METTL15: variants seen among roughly 807,000 people sequenced by gnomAD.
METTL15 encodes the protein methyltransferase 15, mitochondrial 12S rRNA N4-cytidine.
In METTL15, 34 loss-of-function variants were observed where a neutral mutation model predicts 38.3. The ratio of observed to expected loss-of-function variants is 0.89; its 90% CI spans 0.68 to 1.18. The LOEUF is 1.18. METTL15 is among the 50% of genes most tolerant of loss of function. The probability of loss-of-function intolerance (pLI) is 0.00; values close to 1 mark genes in which losing one functional copy is unlikely to be tolerated. For synonymous variants in METTL15, 162 were observed against 170.9 expected (o/e 0.95, Z 0.41); for missense variants, 438 against 498.4 (o/e 0.88, Z 1.15).
At chr11:28,220,037 G>A (rs906699621) in intron 4 of METTL15, among the ~76,000 whole-genome samples, 14 of 152,218 alleles carry the variant, frequency 9.2e-5, no homozygotes, top group African/African-American at 2.9e-4. Context: ...TGTATATTCT[G>A]TTGATTTGGG....
rs1449843247 is a variant in METTL15 at position 28,415,121 on chromosome 11, G to T, written c.*359-9178G>T. Among the ~76,000 whole-genome samples, 4 of 152,296 alleles carry T rather than the reference G, an allele frequency of 2.6e-5. No individual in the cohort carries two copies. In the East Asian group the frequency reaches 7.7e-4, roughly 29 times the overall value. On this transcript the variant is annotated intron_variant and NMD_transcript_variant, in intron 5 of 7. Transcript: ENST00000532947. ...ATATATGATTAAATCCCAGAGTAGG[G>T]TGAGTATGACATAATAATGCTTGAC...
chr11:28,336,689 A>G (rs111606293), downstream of METTL15, among the ~76,000 whole-genome samples: 1,464 of 152,318 alleles, frequency 9.6e-3, 13 homozygotes, highest in Non-Finnish European at 0.016. Context: ...CCATTGTAAC[A>G]TCACAGGGCA....
At chr11:28,234,993 G>C (rs2133890019) in intron 4 of METTL15, among the ~76,000 whole-genome samples, 1 of 151,934 alleles carries the variant, frequency 6.6e-6, no homozygotes, top group Non-Finnish European at 1.5e-5. Flanking sequence ...TAAGATGTAA[G>C]GAAGGGATCC....
At chr11:28,444,086 T>A (rs1311132101) in intron 6 of METTL15, among the ~76,000 whole-genome samples, 1 of 152,318 alleles carries the variant, frequency 6.6e-6, no homozygotes, top group South Asian at 2.1e-4. Flanking sequence ...TACACCATGA[T>A]TTGTTTATGC....
At chr11:28,496,565 C>T (rs1404886350) in intron 6 of METTL15, among the ~76,000 whole-genome samples, 1 of 152,148 alleles carries the variant, frequency 6.6e-6, no homozygotes, top group Non-Finnish European at 1.5e-5. Context: ...TTGGGGTCAC[C>T]AGAGAGTTTT....
At chr11:28,330,233 T>C (rs1186237654) in intron 6 of METTL15, among the ~76,000 whole-genome samples, 163 bp from the exon 7 acceptor site, 2 of 152,192 alleles carry the variant, frequency 1.3e-5, no homozygotes, top group African/African-American at 4.8e-5. Context: ...CTTGGAAGAA[T>C]GTTTGGGAAT....
At chr11:28,265,617 CTCAG>C (rs1351246357) in intron 4 of METTL15, among the ~76,000 whole-genome samples, 4 of 151,916 alleles carry the variant, frequency 2.6e-5, no homozygotes, top group Non-Finnish European at 5.9e-5. Flanking sequence ...GCATTTCTTC[CTCAG>C]TATTAATTTT....
At chr11:28,277,977 T>G (rs1699453213) in intron 4 of METTL15, among the ~76,000 whole-genome samples, 1 of 152,162 alleles carries the variant, frequency 6.6e-6, no homozygotes, top group South Asian at 2.1e-4. Context: ...ATTCAGTGTT[T>G]GATTGCAGAA....
intron 3 of METTL15, among the ~76,000 whole-genome samples, chr11:28,351,635 T>A (rs1850042780): frequency 6.6e-6 from 1 of 152,364 alleles, no homozygotes; most frequent in South Asian, 2.1e-4. Flanking sequence ...GTTTGCTGCC[T>A]ATGCCCTAGT....
At chr11:28,335,918 A>G (rs1313649787), downstream of METTL15, among the ~76,000 whole-genome samples, 3 of 152,272 alleles carry the variant, frequency 2.0e-5, no homozygotes, top group Non-Finnish European at 4.4e-5. Flanking sequence ...TTAAAAATGG[A>G]CTGAGACATG....
chr11:28,153,056 A>G (rs909671325), intron 3 of METTL15, among the ~76,000 whole-genome samples: 1 of 151,950 alleles, frequency 6.6e-6, no homozygotes, highest in Non-Finnish European at 1.5e-5. Context: ...ATGTGCAGTG[A>G]GGGGGACCAG....
At chr11:28,441,831 AC>A (rs986235001) in intron 6 of METTL15, among the ~76,000 whole-genome samples, 3 of 152,114 alleles carry the variant, frequency 2.0e-5, no homozygotes, top group African/African-American at 7.2e-5. Context: ...CTTCCAATCA[AC>A]CCAGATTATC....
At chr11:28,203,375 A>G (rs1250471672) in intron 3 of METTL15, among the ~76,000 whole-genome samples, 1 of 152,112 alleles carries the variant, frequency 6.6e-6, no homozygotes, top group Non-Finnish European at 1.5e-5. Context: ...GTTTGAATTA[A>G]AAGACTTAAA....
intron 3 of METTL15, among the ~76,000 whole-genome samples, chr11:28,183,138 C>T (rs1027259425): frequency 2.6e-5 from 4 of 152,054 alleles, no homozygotes; most frequent in Non-Finnish European, 5.9e-5. Context: ...AGTTGCTTAT[C>T]AGTTTAAGGA....
At chr11:28,288,893 C>G (rs1856397577) in intron 4 of METTL15, among the ~76,000 whole-genome samples, 1 of 152,036 alleles carries the variant, frequency 6.6e-6, no homozygotes, top group African/African-American at 2.4e-5. Flanking sequence ...CTGTGTTTGG[C>G]CATATTCACA....
intron 5 of METTL15, among the ~76,000 whole-genome samples, chr11:28,290,897 T>C (rs1222940694): frequency 6.6e-6 from 1 of 151,990 alleles, no homozygotes; most frequent in Admixed American, 6.6e-5. Context: ...AGAGAAACTG[T>C]AATTTATGAT....
intron 4 of METTL15, among the ~76,000 whole-genome samples, chr11:28,253,978 T>C (rs925982704): frequency 1.3e-5 from 2 of 152,190 alleles, no homozygotes; most frequent in Non-Finnish European, 2.9e-5. Flanking sequence ...ACTGATTTCC[T>C]TTCTTTTGGG....
At chr11:28,495,571 C>T (rs1354017828) in intron 6 of METTL15, among the ~76,000 whole-genome samples, 1 of 152,036 alleles carries the variant, frequency 6.6e-6, no homozygotes. Context: ...CAAGTCAGGG[C>T]TTGAAAGTTT....
rs144632867 is a variant in METTL15 at position 28,383,946 on chromosome 11, T to C, written c.*358+21910T>C. On this transcript the variant is annotated intron_variant and NMD_transcript_variant, in intron 5 of 7. Coordinates refer to the METTL15 transcript ENST00000532947. ...GCTTAGTACCCATTAGTATTTTTCC[T>C]GATTCTCTCTCTTATCCCTCCACCC... Among the ~76,000 whole-genome samples the C allele has an allele frequency of 1.7e-3, 260 of 152,222 alleles. 1 individual carries two copies. The highest frequency in any genetic ancestry group is 2.7e-3 in the Non-Finnish European group (183 of 68,002).
Sources: gnomAD v4.1 joint callset for allele counts (sites outside exome capture counted in the v4.1 genomes callset) on GRCh38, gnomAD v4.1.1 for gene constraint, MANE v1.5 for transcripts, NCBI Gene and HGNC (gene_info 2026-07-23, HGNC 2026-07-21) for gene names.